Variants in USP48 observed in about 807,000 individuals in gnomAD.
USP48 encodes the protein ubiquitin carboxyl-terminal hydrolase 48.
Under a neutral mutation model 150.7 loss-of-function variants are expected in USP48, and 43 were observed. That is an observed-to-expected ratio of 0.29 (90% confidence interval 0.22 to 0.37). The LOEUF (loss-of-function observed/expected upper bound fraction) is 0.37. Among genes scored for constraint, USP48 ranks in the 10% least tolerant of loss-of-function variants. The pLI is 1.00. For synonymous variants in USP48, 396 were observed against 425.9 expected (o/e 0.93, Z 0.86); for missense variants, 813 against 1,249.6 (o/e 0.65, Z 5.27).
intron 6 of USP48, among the ~76,000 whole-genome samples, chr1:21,748,610 C>A (rs1167476367): frequency 6.6e-6 from 1 of 152,168 alleles, no homozygotes; most frequent in African/African-American, 2.4e-5. Context: ...ATGCAACATT[C>A]ATTTAAAGAC....
intron 1 of USP48, among the ~76,000 whole-genome samples, chr1:21,770,139 A>G (rs2152637973): frequency 6.6e-6 from 1 of 150,592 alleles, no homozygotes; most frequent in East Asian, 1.9e-4. Context: ...CCTGGGCAAC[A>G]TATTGAGACC....
chr1:21,762,433 A>G (rs2097852080), intron 1 of USP48, among the ~76,000 whole-genome samples: 1 of 152,218 alleles, frequency 6.6e-6, no homozygotes, highest in South Asian at 2.1e-4. Flanking sequence ...AGGAAAAAAT[A>G]GTGTCAGTAA....
intron 13 of USP48, 110 bp downstream of exon 13, chr1:21,721,540 C>A: frequency 1.3e-6 from 1 of 778,842 alleles, no homozygotes; most frequent in African/African-American, 1.8e-5. Flanking sequence ...CTTTATCACC[C>A]TTCTTCTAAA....
At chr1:21,693,574 A>G (rs1479899468) in intron 23 of USP48, among the ~76,000 whole-genome samples, 4 of 152,216 alleles carry the variant, frequency 2.6e-5, no homozygotes, top group African/African-American at 9.6e-5. Flanking sequence ...CTCAGATGGA[A>G]GGGTTATTTC....
intron 1 of USP48, among the ~76,000 whole-genome samples, chr1:21,775,736 T>C (rs2097896544): frequency 6.6e-6 from 1 of 152,164 alleles, no homozygotes; most frequent in Non-Finnish European, 1.5e-5. Context: ...CATAAGTAAA[T>C]CCAGCCTTTG....
At chr1:21,742,987 T>C (rs2097785673) in intron 8 of USP48, among the ~76,000 whole-genome samples, 1 of 152,184 alleles carries the variant, frequency 6.6e-6, no homozygotes, top group Admixed American at 6.5e-5. Flanking sequence ...AAAAACTGGG[T>C]GTTTTTAACG....
chr1:21,680,161 A>G (rs1400515099), intron 26 of USP48, among the ~76,000 whole-genome samples: 1 of 152,234 alleles, frequency 6.6e-6, no homozygotes, highest in Admixed American at 6.5e-5. Flanking sequence ...TATGTGATTC[A>G]AAGTCATTCC....
chr1:21,748,497 A>G (rs113925873), intron 6 of USP48, among the ~76,000 whole-genome samples: 29 of 152,350 alleles, frequency 1.9e-4, no homozygotes, highest in African/African-American at 6.5e-4. Flanking sequence ...CTATTTCCCA[A>G]ATGTATGATA....
intron 9 of USP48, among the ~76,000 whole-genome samples, chr1:21,735,628 C>T (rs1379578227): frequency 6.6e-6 from 1 of 152,210 alleles, no homozygotes; most frequent in Non-Finnish European, 1.5e-5. Flanking sequence ...GTGGCTTACG[C>T]CTGTAATCCC....
chr1:21,730,503 T>C (rs987247758), intron 9 of USP48, among the ~76,000 whole-genome samples: 1 of 151,904 alleles, frequency 6.6e-6, no homozygotes, highest in African/African-American at 2.4e-5. Context: ...GGCTCACACC[T>C]GGCCAACATG....
intron 1 of USP48, among the ~76,000 whole-genome samples, chr1:21,780,932 G>C (rs1297182369): frequency 1.3e-5 from 2 of 150,354 alleles, no homozygotes; most frequent in African/African-American, 2.4e-5. Flanking sequence ...AGTAGAGACG[G>C]GGTTTCACCA....
At chr1:21,691,875 A>C (rs1186437677) in intron 23 of USP48, among the ~76,000 whole-genome samples, 1 of 152,158 alleles carries the variant, frequency 6.6e-6, no homozygotes, top group Non-Finnish European at 1.5e-5. Context: ...TAACTTACCC[A>C]TAAAATGCAT....
At chr1:21,768,056 A>C (rs533215100) in intron 1 of USP48, among the ~76,000 whole-genome samples, 1 of 152,136 alleles carries the variant, frequency 6.6e-6, no homozygotes, top group African/African-American at 2.4e-5. Context: ...AAATATAAAA[A>C]AGTAGCCGGG....
chr1:21,697,900 A>T (rs2097641810), intron 22 of USP48, among the ~76,000 whole-genome samples: 1 of 152,108 alleles, frequency 6.6e-6, no homozygotes, highest in Non-Finnish European at 1.5e-5. Flanking sequence ...TTTAAATCCA[A>T]CTTAACTGAC....
At position 21,783,113 on chromosome 1, in the gene USP48, C is replaced by G; in HGVS notation, c.-156G>C. The G allele has an allele frequency of 1.8e-6, 2 of 1,084,472 alleles. No individual in the cohort carries two copies. Among genetic ancestry groups the G allele is most frequent in the East Asian group, 3.3e-5 (1 of 30,518 alleles). 67.2% of individuals were successfully genotyped at this position (1,084,472 alleles called of 1,614,324 possible). ...CAATCACCTGTGCGCGCCACTGCCG[C>G]CGCGCCCGCCCGCGCCCGACCCGCA... On this transcript the variant is annotated 5_prime_UTR_variant, in exon 1 of 27. Transcript: ENST00000308271.
intron 8 of USP48, among the ~76,000 whole-genome samples, chr1:21,745,995 T>C (rs2097793637): frequency 6.6e-6 from 1 of 152,216 alleles, no homozygotes; most frequent in Non-Finnish European, 1.5e-5. Flanking sequence ...CTGAAGAGTA[T>C]CATACATTTG....
At chr1:21,765,482 T>C (rs542047273) in intron 1 of USP48, among the ~76,000 whole-genome samples, 16 of 152,028 alleles carry the variant, frequency 1.1e-4, no homozygotes, top group Middle Eastern at 3.4e-3. Flanking sequence ...CCAGGCATGG[T>C]GGCACGCGCC....
intron 1 of USP48, among the ~76,000 whole-genome samples, chr1:21,778,270 T>TA (rs1420294752): frequency 2.6e-5 from 4 of 151,740 alleles, no homozygotes; most frequent in African/African-American, 9.7e-5. Flanking sequence ...GAATGGCCAA[T>TA]AAGTACACAA....
chr1:21,707,504 C>G (rs2097676147), intron 15 of USP48, among the ~76,000 whole-genome samples: 1 of 152,060 alleles, frequency 6.6e-6, no homozygotes, highest in Non-Finnish European at 1.5e-5. Context: ...TTTGAAGATC[C>G]CCTTCAATCT....
Sources: gnomAD v4.1 joint callset for allele counts (sites outside exome capture counted in the v4.1 genomes callset) on GRCh38, gnomAD v4.1.1 for gene constraint, MANE v1.5 for transcripts, NCBI Gene and HGNC (gene_info 2026-07-23, HGNC 2026-07-21) for gene names.